The following ARHGAP32 variants were observed in gnomAD, a reference collection of about 807,000 sequenced individuals.
ARHGAP32 encodes rho GTPase-activating protein 32.
In ARHGAP32, 51 loss-of-function variants were observed where a neutral mutation model predicts 186.5. The ratio of observed to expected loss-of-function variants is 0.27; its 90% CI spans 0.22 to 0.35. ARHGAP32 has a LOEUF of 0.35. ARHGAP32 is among the 10% of genes least tolerant of loss of function. The pLI is 1.00. For missense variants in ARHGAP32, 2,186 were observed against 2,623.5 expected (o/e 0.83, Z 3.64); for synonymous variants, 950 against 964.3 (o/e 0.99, Z 0.27).
chr11:128,977,201 G>GA (rs895335150), intron 19 of ARHGAP32, among the ~76,000 whole-genome samples: 1 of 152,068 alleles, frequency 6.6e-6, no homozygotes, highest in African/African-American at 2.4e-5. Context: ...AACCATGAGG[G>GA]AAAAAAATTC....
chr11:128,965,738 G>A lies in ARHGAP32; in HGVS notation c.*3169C>T, dbSNP rs185340595. 7.2e-5 allele frequency: 11 copies of A among 152,254 alleles called. No homozygotes were observed. Among genetic ancestry groups the A allele is most frequent in the Admixed American group, 5.9e-4 (9 of 15,288 alleles). 9.4% of individuals were successfully genotyped at this position (152,254 alleles called of 1,614,324 possible). On this transcript the variant is annotated 3_prime_UTR_variant, in exon 23 of 23. Coordinates refer to ENST00000682385, the MANE Select transcript of ARHGAP32 (RefSeq NM_001378024.1). ...GCAGTACTTTGCCAACATCCTAAAT[G>A]GGTGACTGACAGGGCTGAAAACAGA...
At chr11:128,978,250 A>G (rs906227934) in intron 19 of ARHGAP32, among the ~76,000 whole-genome samples, 4 of 152,200 alleles carry the variant, frequency 2.6e-5, no homozygotes, top group African/African-American at 9.7e-5. Flanking sequence ...TCCTAGATTC[A>G]GAAGTTGTTA....
At chr11:129,186,032 A>AAAAAAG (rs1944154177) in intron 1 of ARHGAP32, among the ~76,000 whole-genome samples, 1 of 152,138 alleles carries the variant, frequency 6.6e-6, no homozygotes, top group African/African-American at 2.4e-5. Flanking sequence ...TTAATTTAAA[A>AAAAAAG]AAAAAGAAAA....
intron 18 of ARHGAP32, among the ~76,000 whole-genome samples, chr11:128,979,548 A>T (rs1288720937): frequency 6.6e-6 from 1 of 152,218 alleles, no homozygotes; most frequent in East Asian, 1.9e-4. Context: ...CTACTCTCTT[A>T]ACTACTACTC....
chr11:129,106,663 C>T (rs1212553683), intron 5 of ARHGAP32, among the ~76,000 whole-genome samples: 1 of 152,014 alleles, frequency 6.6e-6, no homozygotes, highest in Non-Finnish European at 1.5e-5. Context: ...TGTACATGTA[C>T]TCCCTGAATC....
chr11:129,042,908 G>A (rs1939653825), intron 10 of ARHGAP32, among the ~76,000 whole-genome samples: 1 of 152,174 alleles, frequency 6.6e-6, no homozygotes, highest in Non-Finnish European at 1.5e-5. Context: ...ATGCCGAGGA[G>A]ATGGGAGGTG....
chr11:129,121,516 C>A (rs1021504536), intron 5 of ARHGAP32, among the ~76,000 whole-genome samples: 5 of 152,036 alleles, frequency 3.3e-5, no homozygotes, highest in Non-Finnish European at 5.9e-5. Flanking sequence ...AAAGAAGATT[C>A]TGGTGTGGAC....
At chr11:129,234,629 T>C (rs568788735) in intron 1 of ARHGAP32, among the ~76,000 whole-genome samples, 1 of 152,218 alleles carries the variant, frequency 6.6e-6, no homozygotes, top group South Asian at 2.1e-4. Flanking sequence ...CCCAAAGATC[T>C]CCCTACTACT....
chr11:129,112,771 A>C (rs1942262915), intron 5 of ARHGAP32, among the ~76,000 whole-genome samples: 1 of 152,184 alleles, frequency 6.6e-6, no homozygotes, highest in Non-Finnish European at 1.5e-5. Context: ...CATTGTCAAA[A>C]TATAAATCAA....
intron 11 of ARHGAP32, among the ~76,000 whole-genome samples, chr11:129,034,728 CAA>C (rs767897442): frequency 3.2e-4 from 23 of 72,564 alleles, no homozygotes; most frequent in Non-Finnish European, 4.6e-4. Flanking sequence ...AAACTGAAAA[CAA>C]AAAAAAAAAA....
At chr11:129,250,411 G>A (rs905346319) in intron 1 of ARHGAP32, among the ~76,000 whole-genome samples, 12 of 152,138 alleles carry the variant, frequency 7.9e-5, no homozygotes, top group Admixed American at 2.6e-4. Flanking sequence ...AATTACTACC[G>A]CAAAACTTAT....
chr11:129,035,100 A>AT (rs1939276207), intron 11 of ARHGAP32, among the ~76,000 whole-genome samples: 1 of 152,008 alleles, frequency 6.6e-6, no homozygotes, highest in Admixed American at 6.6e-5. Context: ...ATCTTCCACT[A>AT]TATCATGCCC....
chr11:129,278,565 C>T (rs1945563618), intron 1 of ARHGAP32, among the ~76,000 whole-genome samples: 1 of 152,148 alleles, frequency 6.6e-6, no homozygotes, highest in Non-Finnish European at 1.5e-5. Context: ...ACAGGGGTGG[C>T]GAGGAAGCGA....
intron 1 of ARHGAP32, among the ~76,000 whole-genome samples, chr11:129,261,702 T>A (rs1439055953): frequency 6.6e-6 from 1 of 152,198 alleles, no homozygotes; most frequent in African/African-American, 2.4e-5. Context: ...AGTAAATAAA[T>A]GGATGAAAAC....
At chr11:129,211,300 T>C (rs1162974433) in intron 1 of ARHGAP32, among the ~76,000 whole-genome samples, 2 of 152,214 alleles carry the variant, frequency 1.3e-5, no homozygotes, top group Non-Finnish European at 2.9e-5. Flanking sequence ...AGACCTTTAA[T>C]TTCTAGTATA....
At chr11:129,004,212 G>A (rs1937643305) in intron 11 of ARHGAP32, among the ~76,000 whole-genome samples, 1 of 148,970 alleles carries the variant, frequency 6.7e-6, no homozygotes, top group Non-Finnish European at 1.5e-5. Context: ...GTCTGTTGTG[G>A]CCAGAGATGC....
chr11:129,164,249 C>T (rs1056275459), intron 2 of ARHGAP32, 70 bp downstream of exon 2: 1 of 978,454 alleles, frequency 1.0e-6, no homozygotes, highest in African/African-American at 1.7e-5. Flanking sequence ...GTCCTCAGTT[C>T]CTTTTCCTTA....
At chr11:129,035,197 T>C (rs1939281052) in intron 11 of ARHGAP32, among the ~76,000 whole-genome samples, 1 of 152,084 alleles carries the variant, frequency 6.6e-6, no homozygotes, top group Non-Finnish European at 1.5e-5. Context: ...TCTCTCTCTA[T>C]CAAACTCTTA....
At chr11:129,153,987 G>C (rs114461090) in intron 2 of ARHGAP32, among the ~76,000 whole-genome samples, 2,743 of 151,790 alleles carry the variant, frequency 0.018, 77 homozygotes, top group African/African-American at 0.062. Context: ...TTATGCATCT[G>C]ACAAAGAGCT....
Sources: gnomAD v4.1 joint callset for allele counts (sites outside exome capture counted in the v4.1 genomes callset) on GRCh38, gnomAD v4.1.1 for gene constraint, MANE v1.5 for transcripts, NCBI Gene and HGNC (gene_info 2026-07-23, HGNC 2026-07-21) for gene names.